PLEKHA5: variants seen among roughly 807,000 people sequenced by gnomAD.
PLEKHA5 encodes the protein pleckstrin homology domain containing A5, also known as pleckstrin homology domain-containing family A member 5.
In PLEKHA5, 55 loss-of-function variants were observed where a neutral mutation model predicts 181.9. The ratio of observed to expected loss-of-function variants is 0.30; its 90% CI spans 0.24 to 0.38. PLEKHA5 has a LOEUF of 0.38. PLEKHA5 is among the 10% of genes least tolerant of loss of function. The pLI, the probability that PLEKHA5 is intolerant of heterozygous loss-of-function variation, is 1.00. For synonymous variants in PLEKHA5, 535 were observed against 529.4 expected (o/e 1.01, Z -0.15); for missense variants, 1,432 against 1,549.5 (o/e 0.92, Z 1.27).
chr12:19,314,374 G>A (rs1164505118), intron 15 of PLEKHA5, among the ~76,000 whole-genome samples: 2 of 152,066 alleles, frequency 1.3e-5, no homozygotes, highest in Non-Finnish European at 2.9e-5. Context: ...AATACTTGTA[G>A]AGAACTAATT....
At chr12:19,346,469 C>T (rs932242411) in intron 23 of PLEKHA5, among the ~76,000 whole-genome samples, 19 of 151,664 alleles carry the variant, frequency 1.3e-4, no homozygotes, top group African/African-American at 4.6e-4. Flanking sequence ...GCAAGACCCC[C>T]ATCTCTAGAA....
chr12:19,140,718 T>G (rs951570897), intron 3 of PLEKHA5, among the ~76,000 whole-genome samples: 10 of 152,202 alleles, frequency 6.6e-5, no homozygotes, highest in African/African-American at 2.4e-4. Flanking sequence ...TTTCTTCTCA[T>G]TTGTCATCTA....
intron 3 of PLEKHA5, among the ~76,000 whole-genome samples, chr12:19,205,689 A>G (rs1592060289): frequency 1.3e-5 from 2 of 152,110 alleles, no homozygotes; most frequent in African/African-American, 2.4e-5. Context: ...CATGTTCTCC[A>G]CAAATTTTCT....
intron 3 of PLEKHA5, among the ~76,000 whole-genome samples, chr12:19,167,824 A>C (rs2044868834): frequency 6.6e-6 from 1 of 152,096 alleles, no homozygotes; most frequent in Non-Finnish European, 1.5e-5. Flanking sequence ...TCTGCTGGGG[A>C]AAGTGACACA....
chr12:19,352,155 AGGAGGAT>A (rs2094631609), intron 25 of PLEKHA5, among the ~76,000 whole-genome samples: 2 of 151,672 alleles, frequency 1.3e-5, no homozygotes, highest in African/African-American at 4.8e-5. Flanking sequence ...AAGCTGAGGC[AGGAGGAT>A]GGTTTGAGCC....
At chr12:19,327,241 G>GTTTTTTTTT (rs1163455769) in intron 20 of PLEKHA5, among the ~76,000 whole-genome samples, 1 of 141,402 alleles carries the variant, frequency 7.1e-6, no homozygotes, top group African/African-American at 2.7e-5. Context: ...GCCAGCATCT[G>GTTTTTTTTT]TTTTTGTTTT....
chr12:19,205,176 T>G (rs1203742695), intron 3 of PLEKHA5: 1 of 153,004 alleles, frequency 6.5e-6, no homozygotes, highest in East Asian at 1.9e-4. Context: ...TTATTAAATT[T>G]GCAGCTTTCT....
chr12:19,143,246 A>G (rs1174351088), intron 3 of PLEKHA5, among the ~76,000 whole-genome samples: 1 of 152,214 alleles, frequency 6.6e-6, no homozygotes, highest in African/African-American at 2.4e-5. Flanking sequence ...TCCTACCAAC[A>G]ATGTGCAAGG....
intron 3 of PLEKHA5, among the ~76,000 whole-genome samples, chr12:19,137,600 A>G (rs1157857853): frequency 1.3e-5 from 2 of 152,226 alleles, no homozygotes; most frequent in Admixed American, 6.5e-5. Context: ...TTTGGGGAAC[A>G]TAGACTTATT....
intron 3 of PLEKHA5, among the ~76,000 whole-genome samples, chr12:19,218,565 A>T (rs2058391696): frequency 2.0e-5 from 3 of 152,180 alleles, no homozygotes; most frequent in Admixed American, 2.0e-4. Context: ...TGTATTTATA[A>T]ATTCATGATC....
intron 3 of PLEKHA5, among the ~76,000 whole-genome samples, chr12:19,212,723 A>G (rs1248167349): frequency 6.6e-6 from 1 of 152,212 alleles, no homozygotes; most frequent in Non-Finnish European, 1.5e-5. Context: ...GAAATGTTGC[A>G]TGACCAGTAT....
intron 28 of PLEKHA5, among the ~76,000 whole-genome samples, chr12:19,361,266 T>G (rs1163831544): frequency 6.6e-6 from 1 of 152,180 alleles, no homozygotes; most frequent in Non-Finnish European, 1.5e-5. Flanking sequence ...CACTGCATGC[T>G]CCACCTGCCA....
chr12:19,245,781 A>G (rs1490469828), intron 3 of PLEKHA5, among the ~76,000 whole-genome samples: 1 of 148,738 alleles, frequency 6.7e-6, no homozygotes, highest in Non-Finnish European at 1.5e-5. Flanking sequence ...TTCGTGGTTC[A>G]GAGTATTGCT....
chr12:19,283,771 A>T (rs757184540), intron 12 of PLEKHA5, 26 bp downstream of exon 12: 1 of 1,397,902 alleles, frequency 7.2e-7, no homozygotes, highest in Non-Finnish European at 1.0e-6. Flanking sequence ...ATTTTGTGTT[A>T]ACTCACTACC....
At chr12:19,222,443 A>C (rs1322472203) in intron 3 of PLEKHA5, among the ~76,000 whole-genome samples, 3 of 152,112 alleles carry the variant, frequency 2.0e-5, no homozygotes, top group African/African-American at 7.2e-5. Flanking sequence ...TACAGAGTGC[A>C]CTCACACATG....
intron 3 of PLEKHA5, among the ~76,000 whole-genome samples, chr12:19,141,384 C>G (rs920287017): frequency 3.9e-5 from 6 of 152,308 alleles, no homozygotes; most frequent in African/African-American, 1.4e-4. Context: ...CTGTCCTTAG[C>G]TAGAGCCAAG....
chr12:19,337,877 C>G (rs1222162027), intron 21 of PLEKHA5, among the ~76,000 whole-genome samples: 1 of 151,466 alleles, frequency 6.6e-6, no homozygotes, highest in Non-Finnish European at 1.5e-5. Context: ...ACTAAAAATA[C>G]AAAATTAGCC....
chr12:19,331,839 A>G (rs1448945635), intron 20 of PLEKHA5, among the ~76,000 whole-genome samples: 7 of 152,090 alleles, frequency 4.6e-5, no homozygotes, highest in African/African-American at 1.7e-4. Flanking sequence ...CCTGGACAAC[A>G]TAGTGAGACC....
intron 30 of PLEKHA5, among the ~76,000 whole-genome samples, chr12:19,369,015 T>G (rs904252492): frequency 4.6e-5 from 7 of 152,068 alleles, no homozygotes; most frequent in South Asian, 2.1e-4. Flanking sequence ...AAAGTATTTT[T>G]TTTGTTTGTT....
Sources: allele counts gnomAD v4.1 joint callset (sites outside exome capture counted in the v4.1 genomes callset), GRCh38; gene constraint gnomAD v4.1.1; transcripts MANE v1.5; gene names NCBI Gene and HGNC (gene_info 2026-07-23, HGNC 2026-07-21).